GALNT7: variants seen among roughly 807,000 people sequenced by gnomAD.
The protein encoded by GALNT7 is N-acetylgalactosaminyltransferase 7.
GALNT7 carries 60 observed loss-of-function variants against 82.1 expected under a neutral mutation model. The observed-to-expected ratio is 0.73, with a 90% CI of 0.59 to 0.91. The LOEUF is 0.91. Ranked by LOEUF, GALNT7 falls within the 40% of genes least tolerant of loss-of-function variation. GALNT7 has a pLI of 0.00. For missense variants in GALNT7, 660 were observed against 804.2 expected, an observed-to-expected ratio of 0.82 and a Z score of 2.17; for synonymous variants, 243 against 275.1, an observed-to-expected ratio of 0.88 and a Z score of 1.15.
At chr4:173,274,208 G>T (rs1310680095) in intron 2 of GALNT7, among the ~76,000 whole-genome samples, 1 of 151,952 alleles carries the variant, frequency 6.6e-6, no homozygotes, top group Non-Finnish European at 1.5e-5. Context: ...TCATTAACTG[G>T]ATACATCTGT....
chr4:173,312,255 G>GA lies in GALNT7; in HGVS notation c.1390-1699dup, dbSNP rs375691275. Among the ~76,000 whole-genome samples the GA allele has an allele frequency of 7.3e-3, 1,110 of 152,328 alleles. 7 individuals carry two copies. Among genetic ancestry groups the GA allele is most frequent in the Non-Finnish European group, 0.012 (797 of 68,024 alleles). On this transcript the variant is annotated intron_variant, in intron 8 of 11. Transcript: ENST00000265000. The stretch of plus-strand genomic sequence containing the variant: ...CACCTGAGGCTGGGTAATTTATCAA[G>GA]AAAAGAGGTTTATTTATTCACGATT...
intron 1 of GALNT7, among the ~76,000 whole-genome samples, chr4:173,207,422 T>C (rs1489136970): frequency 2.6e-5 from 4 of 152,252 alleles, no homozygotes; most frequent in African/African-American, 9.6e-5. Flanking sequence ...GAAAACATAC[T>C]TTTTAAGTAA....
At chr4:173,203,817 A>G in intron 1 of GALNT7, among the ~76,000 whole-genome samples, 1 of 152,298 alleles carries the variant, frequency 6.6e-6, no homozygotes, top group African/African-American at 2.4e-5. Flanking sequence ...ATTACATTGT[A>G]GCTATTATTT....
chr4:173,184,295 C>T (rs1732392858), intron 1 of GALNT7, among the ~76,000 whole-genome samples: 1 of 152,098 alleles, frequency 6.6e-6, no homozygotes, highest in Non-Finnish European at 1.5e-5. Flanking sequence ...CCACTGCACT[C>T]CAGCCTGGGC....
chr4:173,185,192 T>C (rs1049618209), intron 1 of GALNT7, among the ~76,000 whole-genome samples: 1 of 152,214 alleles, frequency 6.6e-6, no homozygotes, highest in Admixed American at 6.5e-5. Flanking sequence ...TTTGATCTGT[T>C]TCAGTTTGCT....
At chr4:173,255,623 G>A (rs1462640832) in intron 2 of GALNT7, among the ~76,000 whole-genome samples, 1 of 151,768 alleles carries the variant, frequency 6.6e-6, no homozygotes, top group East Asian at 1.9e-4. Context: ...TTTTCTCTCC[G>A]AATAAGTCTT....
chr4:173,290,401 A>G (rs1021648246), intron 2 of GALNT7, among the ~76,000 whole-genome samples: 3 of 152,258 alleles, frequency 2.0e-5, no homozygotes, highest in East Asian at 1.9e-4. Context: ...CATGTATTCT[A>G]TATACATACC....
intron 1 of GALNT7, among the ~76,000 whole-genome samples, chr4:173,174,055 G>GT (rs527860592): frequency 1.5e-3 from 221 of 152,308 alleles, no homozygotes; most frequent in African/African-American, 5.2e-3. Context: ...CTTAGTGAAA[G>GT]TGTAGTGTCT....
At chr4:173,241,392 C>T (rs1360241212) in intron 1 of GALNT7, among the ~76,000 whole-genome samples, 1 of 152,124 alleles carries the variant, frequency 6.6e-6, no homozygotes, top group African/African-American at 2.4e-5. Context: ...CTTACCTCAT[C>T]TAGATATTCT....
At chr4:173,242,355 A>T (rs1734466145) in intron 1 of GALNT7, among the ~76,000 whole-genome samples, 1 of 152,206 alleles carries the variant, frequency 6.6e-6, no homozygotes, top group South Asian at 2.1e-4. Context: ...AGCATGCTTC[A>T]TCCATTTTCA....
intron 1 of GALNT7, among the ~76,000 whole-genome samples, chr4:173,183,706 C>G (rs965212532): frequency 1.2e-3 from 182 of 149,672 alleles, no homozygotes; most frequent in Non-Finnish European, 2.2e-3. Flanking sequence ...AGCGCCCCCC[C>G]ACCTCCCAGA....
chr4:173,276,057 A>G (rs1254047540), intron 2 of GALNT7, among the ~76,000 whole-genome samples: 1 of 152,228 alleles, frequency 6.6e-6, no homozygotes, highest in Non-Finnish European at 1.5e-5. Flanking sequence ...CATTAATTCC[A>G]TGAGCATTGA....
chr4:173,282,343 G>A (rs1163642305), intron 2 of GALNT7: 2 of 152,192 alleles, frequency 1.3e-5, no homozygotes, highest in African/African-American at 4.8e-5. Flanking sequence ...CTAATTATAC[G>A]AAGAACAAAC....
chr4:173,219,701 T>C (rs10005325), intron 1 of GALNT7, among the ~76,000 whole-genome samples: 23,767 of 152,214 alleles, frequency 0.16, 1,935 homozygotes, highest in Non-Finnish European at 0.18. Context: ...AGGAATAAGG[T>C]GGTATCACAT....
At chr4:173,314,322 A>G (rs1282152122) in intron 9 of GALNT7, 146 bp downstream of exon 9, 1 of 643,562 alleles carries the variant, frequency 1.6e-6, no homozygotes, top group African/African-American at 1.8e-5. Flanking sequence ...TTTCCACTAA[A>G]CAGCTATAGC....
At chr4:173,284,089 G>A (rs1023384367) in intron 2 of GALNT7, among the ~76,000 whole-genome samples, 51 of 152,236 alleles carry the variant, frequency 3.4e-4, no homozygotes, top group African/African-American at 1.1e-3. Flanking sequence ...AAAAAGATTC[G>A]TTTAGTTTTC....
chr4:173,278,892 T>C (rs763471961), intron 2 of GALNT7, among the ~76,000 whole-genome samples: 4 of 152,200 alleles, frequency 2.6e-5, no homozygotes, highest in Non-Finnish European at 4.4e-5. Flanking sequence ...TAAATTTCTT[T>C]CGAAGCTTAG....
At chr4:173,305,716 A>G (rs1445935567) in intron 8 of GALNT7, among the ~76,000 whole-genome samples, 1 of 152,002 alleles carries the variant, frequency 6.6e-6, no homozygotes, top group Admixed American at 6.6e-5. Flanking sequence ...AAATGCGTGG[A>G]TTATTTCTGG....
At chr4:173,295,319 C>A in intron 3 of GALNT7, 77 bp from the exon 4 acceptor site, 1 of 1,045,702 alleles carries the variant, frequency 9.6e-7, no homozygotes, top group South Asian at 1.4e-5. Flanking sequence ...CACCTGTATT[C>A]TTGTTTCCTG....
Sources: gnomAD v4.1 joint callset for allele counts (sites outside exome capture counted in the v4.1 genomes callset) on GRCh38, gnomAD v4.1.1 for gene constraint, MANE v1.5 for transcripts, NCBI Gene and HGNC (gene_info 2026-07-23, HGNC 2026-07-21) for gene names.